Variants in LIPC observed in about 807,000 individuals in gnomAD.
The protein encoded by LIPC is lipase C, hepatic type.
LIPC carries 44 observed loss-of-function variants against 50.7 expected under a neutral mutation model. The observed-to-expected ratio is 0.87, with a 90% CI of 0.68 to 1.11. LIPC has a LOEUF of 1.11. Among genes scored for constraint, LIPC ranks in the 50% most tolerant of loss-of-function variants. LIPC has a pLI of 0.00. For synonymous variants in LIPC, 271 were observed against 256.4 expected, an observed-to-expected ratio of 1.06 and a Z score of -0.54; for missense variants, 697 against 648.2, an observed-to-expected ratio of 1.08 and a Z score of -0.82.
chr15:58,502,009 C>A (rs542708377), intron 1 of LIPC, among the ~76,000 whole-genome samples: 1 of 152,248 alleles, frequency 6.6e-6, no homozygotes, highest in African/African-American at 2.4e-5. Flanking sequence ...TAATGGGATG[C>A]TTGAGATGCG....
At chr15:58,514,180 G>C (rs1418523952) in intron 1 of LIPC, among the ~76,000 whole-genome samples, 1 of 152,192 alleles carries the variant, frequency 6.6e-6, no homozygotes, top group African/African-American at 2.4e-5. Context: ...GGGGATTCCA[G>C]CTCCTCCACT....
At chr15:58,484,927 T>C (rs1891316795) in intron 1 of LIPC, among the ~76,000 whole-genome samples, 1 of 151,214 alleles carries the variant, frequency 6.6e-6, no homozygotes, top group Non-Finnish European at 1.5e-5. Flanking sequence ...GGGGAAGGAG[T>C]GCAATGTGTT....
intron 1 of LIPC, among the ~76,000 whole-genome samples, chr15:58,459,390 CT>C (rs1295479737): frequency 7.5e-6 from 1 of 133,602 alleles, no homozygotes; most frequent in South Asian, 2.4e-4. Context: ...GGAGAATCGA[CT>C]TTTTTCTTTC....
At chr15:58,551,568 A>AT (rs1373556361) in intron 6 of LIPC, among the ~76,000 whole-genome samples, 1 of 152,132 alleles carries the variant, frequency 6.6e-6, no homozygotes, top group Admixed American at 6.5e-5. Flanking sequence ...TGGGATGAAG[A>AT]TTTTAATCTA....
intron 1 of LIPC, among the ~76,000 whole-genome samples, chr15:58,438,875 GC>G: frequency 6.6e-6 from 1 of 152,214 alleles, no homozygotes; most frequent in Middle Eastern, 3.2e-3. Context: ...ATTTCCAGAA[GC>G]ATTCCTCATT....
chr15:58,539,211 C>T (rs558913184), intron 2 of LIPC, among the ~76,000 whole-genome samples: 2 of 152,132 alleles, frequency 1.3e-5, no homozygotes, highest in African/African-American at 2.4e-5. Flanking sequence ...TTTACAAGAG[C>T]TTTATTGAGA....
chr15:58,525,901 C>T (rs1306136503), intron 1 of LIPC, among the ~76,000 whole-genome samples: 1 of 152,226 alleles, frequency 6.6e-6, no homozygotes, highest in African/African-American at 2.4e-5. Context: ...CCACCAGGGC[C>T]ACCTTTATTC....
At chr15:58,460,155 A>G (rs1444211483) in intron 1 of LIPC, among the ~76,000 whole-genome samples, 1 of 152,192 alleles carries the variant, frequency 6.6e-6, no homozygotes, top group African/African-American at 2.4e-5. Flanking sequence ...GAACATCCCC[A>G]AAACCCTTCC....
intron 1 of LIPC, among the ~76,000 whole-genome samples, chr15:58,501,345 T>C (rs1229742646): frequency 3.4e-5 from 2 of 59,178 alleles, no homozygotes; most frequent in African/African-American, 1.1e-4. Context: ...AGGCCTCTCA[T>C]ACTTTTTTTT....
At chr15:58,541,757 T>A in intron 2 of LIPC, 28 bp from the exon 3 acceptor site, 1 of 1,608,802 alleles carries the variant, frequency 6.2e-7, no homozygotes, top group Non-Finnish European at 8.5e-7. Context: ...AGGAAACTAG[T>A]GCGACCCTCC....
chr15:58,472,977 GGTTTTGT>G (rs754115410), intron 1 of LIPC, among the ~76,000 whole-genome samples: 47 of 152,314 alleles, frequency 3.1e-4, no homozygotes, highest in Non-Finnish European at 5.4e-4. Context: ...AAAGGGGCAT[GGTTTTGT>G]TAACTTTGAA....
intron 1 of LIPC, among the ~76,000 whole-genome samples, chr15:58,441,285 A>G (rs1198004336): frequency 6.6e-6 from 1 of 152,238 alleles, no homozygotes; most frequent in Non-Finnish European, 1.5e-5. Flanking sequence ...ATTAACACCC[A>G]TGAAACTGAA....
intron 8 of LIPC, chr15:58,566,096 T>G (rs1159018620): frequency 1.0e-6 from 1 of 974,488 alleles, no homozygotes; most frequent in Non-Finnish European, 1.2e-6. Flanking sequence ...TTAGTGAGTC[T>G]GGGGTGAGCC....
chr15:58,539,689 C>T (rs1893257171), intron 2 of LIPC, among the ~76,000 whole-genome samples: 1 of 152,078 alleles, frequency 6.6e-6, no homozygotes, highest in Non-Finnish European at 1.5e-5. Flanking sequence ...CATCACCTGC[C>T]TCCCCTCACC....
chr15:58,469,562 C>G (rs1164041522), intron 1 of LIPC, among the ~76,000 whole-genome samples: 2 of 152,226 alleles, frequency 1.3e-5, no homozygotes, highest in African/African-American at 4.8e-5. Flanking sequence ...CAACCTGGCT[C>G]AGGCAGGGAA....
At chr15:58,541,324 T>C (rs922473360) in intron 2 of LIPC, among the ~76,000 whole-genome samples, 2 of 151,980 alleles carry the variant, frequency 1.3e-5, no homozygotes, top group African/African-American at 2.4e-5. Context: ...GAGCCAGTGC[T>C]ATGGGTTTAG....
At chr15:58,536,361 A>C (rs1197498213) in intron 1 of LIPC, among the ~76,000 whole-genome samples, 10 of 152,148 alleles carry the variant, frequency 6.6e-5, no homozygotes, top group African/African-American at 2.4e-4. Flanking sequence ...CAATACCATG[A>C]AGCTGAAAGT....
At chr15:58,556,757 A>G (rs1280036936) in intron 6 of LIPC, among the ~76,000 whole-genome samples, 1 of 152,238 alleles carries the variant, frequency 6.6e-6, no homozygotes, top group Non-Finnish European at 1.5e-5. Context: ...TCAGCAGACT[A>G]ACTTCTAATT....
chr15:58,536,511 C>T (rs945677393), intron 1 of LIPC, among the ~76,000 whole-genome samples: 2 of 152,158 alleles, frequency 1.3e-5, no homozygotes, highest in Non-Finnish European at 2.9e-5. Flanking sequence ...GGAACTAAGG[C>T]ACAGGATTCT....
Sources: allele counts gnomAD v4.1 joint callset (sites outside exome capture counted in the v4.1 genomes callset), GRCh38; gene constraint gnomAD v4.1.1; transcripts MANE v1.5; gene names NCBI Gene and HGNC (gene_info 2026-07-23, HGNC 2026-07-21).